Variants in EYS observed in about 807,000 individuals in gnomAD.
EYS encodes protein eyes shut homolog.
Under a neutral mutation model 282.1 loss-of-function variants are expected in EYS, and 250 were observed. That is an observed-to-expected ratio of 0.89 (90% CI 0.80 to 0.98). EYS has a LOEUF of 0.98. EYS is among the 50% of genes least tolerant of loss of function. The pLI is 0.00. For synonymous variants in EYS, 1,355 were observed against 1,282.9 expected, an observed-to-expected ratio of 1.06 and a Z score of -1.20; for missense variants, 4,016 against 3,709.0, an observed-to-expected ratio of 1.08 and a Z score of -2.15.
chr6:65,583,508 C>G (rs918723323), intron 2 of EYS, among the ~76,000 whole-genome samples: 1 of 152,010 alleles, frequency 6.6e-6, no homozygotes, highest in Admixed American at 6.6e-5. Flanking sequence ...TATTTTAATT[C>G]TATGACTCTC....
At chr6:64,576,471 T>A (rs897924963) in intron 26 of EYS, among the ~76,000 whole-genome samples, 3 of 152,032 alleles carry the variant, frequency 2.0e-5, no homozygotes, top group Non-Finnish European at 2.9e-5. Flanking sequence ...AAATAACATC[T>A]GTCCAGGGCC....
At chr6:65,706,361 T>C (rs1769878628) in intron 1 of EYS, among the ~76,000 whole-genome samples, 1 of 152,024 alleles carries the variant, frequency 6.6e-6, no homozygotes, top group South Asian at 2.1e-4. Flanking sequence ...AATATTTAAA[T>C]AATAAAGATT....
intron 41 of EYS, among the ~76,000 whole-genome samples, chr6:63,742,244 G>A (rs1449317440): frequency 1.3e-5 from 2 of 151,910 alleles, no homozygotes; most frequent in African/African-American, 4.8e-5. Flanking sequence ...TTTTTTTAAG[G>A]TGACTCATGC....
rs568177342 is a variant in EYS at position 64,085,559 on chromosome 6, G to A, written c.6425-3557C>T. ...CAAAATTATCTCTTAAAATCTTCTG[G>A]TCCAAATACATACCCTTTTTAAATC... On this transcript the variant is annotated intron_variant, in intron 31 of 42. Transcript: ENST00000503581. 2.6e-5 allele frequency among the ~76,000 whole-genome samples: 4 copies of A among 152,096 alleles called. No individual in the cohort carries two copies. The South Asian group carries it at 8.3e-4, about 32-fold the overall frequency.
At chr6:65,137,436 T>A (rs187932816) in intron 12 of EYS, among the ~76,000 whole-genome samples, 161 of 152,190 alleles carry the variant, frequency 1.1e-3, no homozygotes, top group African/African-American at 3.7e-3. Flanking sequence ...TGGGCCATGA[T>A]AAAGACTGAC....
intron 5 of EYS, among the ~76,000 whole-genome samples, chr6:65,413,385 A>G (rs1044127393): frequency 1.3e-5 from 2 of 152,202 alleles, no homozygotes; most frequent in African/African-American, 4.8e-5. Context: ...TTTAAAATAC[A>G]TATAATCAAT....
chr6:63,884,194 T>C (rs1416334978), intron 35 of EYS, among the ~76,000 whole-genome samples: 3 of 152,126 alleles, frequency 2.0e-5, no homozygotes, highest in African/African-American at 7.2e-5. Flanking sequence ...GGTGGGATAA[T>C]AGAATATAGA....
At chr6:64,457,652 T>C (rs1395194622) in intron 26 of EYS, among the ~76,000 whole-genome samples, 1 of 152,054 alleles carries the variant, frequency 6.6e-6, no homozygotes, top group African/African-American at 2.4e-5. Flanking sequence ...AAAATCCATT[T>C]TATCCGAAAT....
chr6:64,479,676 C>A (rs1057184764), intron 26 of EYS, among the ~76,000 whole-genome samples: 2 of 151,788 alleles, frequency 1.3e-5, no homozygotes, highest in Non-Finnish European at 2.9e-5. Flanking sequence ...CATTTTAAAC[C>A]AGAAGATTAA....
At chr6:65,458,234 C>T (rs572402022) in intron 5 of EYS, among the ~76,000 whole-genome samples, 1 of 152,132 alleles carries the variant, frequency 6.6e-6, no homozygotes, top group Non-Finnish European at 1.5e-5. Context: ...AAGTACTTTA[C>T]TGAATGTTTG....
Position 64,590,715 on chromosome 6 carries a change from T to G in EYS, c.5152A>C (p.Asn1718His). 6.4e-7 allele frequency: 1 copy of G among 1,551,176 alleles called. No individual in the cohort carries two copies. The change falls in exon 26 of 43, where the codon AAT (asparagine) becomes CAT (histidine). Residue 1718 changes from asparagine (N) to histidine (H), a missense_variant. Coordinates refer to ENST00000503581, the MANE Select transcript of EYS (RefSeq NM_001142800.2). Reference sequence around the variant, plus strand: ...TCCATGTCCAATAAGCTCTCTTGATTTAGTACCTCAGTGGGTCCCATAGTT... The same window carrying G: ...TCCATGTCCAATAAGCTCTCTTGATGTAGTACCTCAGTGGGTCCCATAGTT... ...GITMGPTEVL[N>H]QESLLDMEKS...
chr6:64,481,263 G>GGTGT (rs202121150), intron 26 of EYS, among the ~76,000 whole-genome samples: 3 of 126,836 alleles, frequency 2.4e-5, no homozygotes, highest in African/African-American at 9.0e-5. Flanking sequence ...TTATGTGTAT[G>GGTGT]GTGTGTGTGT....
At chr6:64,500,523 G>GA (rs202198713) in intron 26 of EYS, among the ~76,000 whole-genome samples, 208 of 150,830 alleles carry the variant, frequency 1.4e-3, no homozygotes, top group African/African-American at 4.8e-3. Context: ...GCATTTCTGA[G>GA]AAAAAAAAAT....
rs115378228 is a variant in EYS, at chr6:63,901,711, A to G, written c.7056-37353T>C. On this transcript the variant is annotated intron_variant, in intron 35 of 42. Coordinates refer to ENST00000503581, the MANE Select transcript of EYS (RefSeq NM_001142800.2). ...ATAATGGAAGCCAGTCAGCACTGGA[A>G]TAAGATACAAGTTGAATATCCCTTA... is the stretch of plus-strand genomic sequence containing the variant. Among the ~76,000 whole-genome samples the G allele has an allele frequency of 6.4e-3, 968 of 152,330 alleles. 12 individuals carry two copies. The highest frequency in any genetic ancestry group is 0.021 in the African/African-American group (866 of 41,574).
intron 14 of EYS, among the ~76,000 whole-genome samples, chr6:64,964,122 C>G (rs1255581574): frequency 6.6e-6 from 1 of 151,908 alleles, no homozygotes; most frequent in African/African-American, 2.4e-5. Context: ...TAAACACACA[C>G]TTCTCACACT....
intron 42 of EYS, 25 bp downstream of exon 42, chr6:63,726,494 C>T (rs1179182939): frequency 1.9e-6 from 3 of 1,538,472 alleles, no homozygotes; most frequent in East Asian, 2.5e-5. Flanking sequence ...ATTCATTCTG[C>T]AAACAAACAG....
intron 12 of EYS, among the ~76,000 whole-genome samples, chr6:65,116,481 T>C (rs1489692464): frequency 6.6e-6 from 1 of 152,064 alleles, no homozygotes; most frequent in Non-Finnish European, 1.5e-5. Context: ...ATAATCTATC[T>C]CTGTGGGAAG....
intron 12 of EYS, among the ~76,000 whole-genome samples, chr6:65,059,446 C>A (rs958083614): frequency 1.1e-4 from 17 of 152,102 alleles, no homozygotes; most frequent in African/African-American, 3.6e-4. Context: ...GGTAGTATTA[C>A]AACTTGGATC....
At chr6:63,937,151 A>G (rs1314904684) in intron 35 of EYS, among the ~76,000 whole-genome samples, 1 of 152,048 alleles carries the variant, frequency 6.6e-6, no homozygotes, top group Non-Finnish European at 1.5e-5. Context: ...CAATTGTAGG[A>G]TGCAAATGGG....
Sources: gnomAD v4.1 joint callset for allele counts (sites outside exome capture counted in the v4.1 genomes callset) on GRCh38, gnomAD v4.1.1 for gene constraint, MANE v1.5 for transcripts, NCBI Gene and HGNC (gene_info 2026-07-23, HGNC 2026-07-21) for gene names.